The following ZCCHC14 variants were observed in gnomAD, a reference collection of about 807,000 sequenced individuals.
ZCCHC14 encodes the protein zinc finger CCHC domain-containing protein 14.
A neutral mutation model predicts 85.0 loss-of-function variants in ZCCHC14; 16 were observed. The observed-to-expected ratio is 0.19, with a 90% CI of 0.13 to 0.29. ZCCHC14 has a LOEUF of 0.29. Ranked by LOEUF, ZCCHC14 falls within the 10% of genes least tolerant of loss-of-function variation. The pLI is 1.00. For synonymous variants in ZCCHC14, 775 were observed against 630.7 expected (o/e 1.23, Z -3.43); for missense variants, 1,303 against 1,443.5 (o/e 0.90, Z 1.58).
At chr16:87,422,032 G>A (rs951984623) in intron 4 of ZCCHC14, among the ~76,000 whole-genome samples, 1 of 152,148 alleles carries the variant, frequency 6.6e-6, no homozygotes, top group African/African-American at 2.4e-5. Context: ...TAGTGACAGG[G>A]ACTTTAAACA....
chr16:87,412,841 T>C lies in ZCCHC14; in HGVS notation c.1880A>G (p.His627Arg). The change falls in exon 12 of 13, where the codon CAC (histidine) becomes CGC (arginine). Residue 627 changes from histidine (H) to arginine (R), a missense_variant. Physicochemically the swap from His to Arg is conservative, Grantham distance 29. Around this residue, in one of 7 missense-constraint regions of ZCCHC14, gnomAD observed 797 missense variants for 730.8 expected, o/e 1.09. Coordinates refer to ENST00000671377, the MANE Select transcript of ZCCHC14 (RefSeq NM_015144.3). ...CAGCATCTGCGGGGGCAGGGGGTGGTGGCCTGATGGATTGGAGCTGGCCTC... is the reference window on the plus strand; with the variant it reads ...CAGCATCTGCGGGGGCAGGGGGTGGCGGCCTGATGGATTGGAGCTGGCCTC... ...QNEASSNPSG[H>R]HPLPPQMLSA... The C allele has an allele frequency of 6.2e-7, 1 of 1,609,282 alleles. No homozygotes were observed.
Position 87,418,993 on chromosome 16 carries a change from G to T in ZCCHC14, c.1046-92C>A, listed in dbSNP as rs111774137. 3.0e-4 allele frequency: 368 copies of T among 1,239,192 alleles called. 4 individuals carry two copies. In the East Asian group the frequency reaches 0.01, roughly 34 times the overall value. 76.8% of individuals were successfully genotyped at this position (1,239,192 alleles called of 1,614,324 possible). A position where few individuals can be genotyped will look rare whatever the true frequency, so the allele number is the denominator to read the frequency against. On this transcript the variant is annotated intron_variant, in intron 6 of 12. Coordinates refer to ENST00000671377, the MANE Select transcript of ZCCHC14 (RefSeq NM_015144.3). ...TTTTTTGAGACGGTGTTTTGCTCTTGTTGCCCAGGCTGGAGAGCAATGGTG... is the reference window on the plus strand; with the variant it reads ...TTTTTTGAGACGGTGTTTTGCTCTTTTTGCCCAGGCTGGAGAGCAATGGTG...
chr16:87,416,538 A>G (rs117421889), intron 8 of ZCCHC14, among the ~76,000 whole-genome samples: 2,565 of 152,178 alleles, frequency 0.017, 26 homozygotes, highest in Middle Eastern at 0.044. Flanking sequence ...TGGGCAGATC[A>G]TGAGTCAGGA....
intron 1 of ZCCHC14, among the ~76,000 whole-genome samples, chr16:87,490,971 G>A (rs539875270): frequency 6.6e-6 from 1 of 152,358 alleles, no homozygotes; most frequent in African/African-American, 2.4e-5. Flanking sequence ...CGGCTCAGAC[G>A]GGGAAGCCCC....
At position 87,410,158 on chromosome 16, in the gene ZCCHC14, G is replaced by A. The variant is rs1456578442; in HGVS notation, c.*122C>T. 5.3e-6 allele frequency: 3 copies of A among 561,460 alleles called. No homozygotes were observed. Among genetic ancestry groups the A allele is most frequent in the African/African-American group, 1.9e-5 (1 of 51,688 alleles). The allele number at this position is 561,460 out of a possible 1,614,324, so 34.8% of individuals were successfully genotyped here. ...ACGCTAGATTTTCTATCCAGTCTAGGAAAAGTAAAGCACCTTTGGATTAAA... is the reference window on the plus strand; with the variant it reads ...ACGCTAGATTTTCTATCCAGTCTAGAAAAAGTAAAGCACCTTTGGATTAAA... On this transcript the variant is annotated 3_prime_UTR_variant, in exon 13 of 13. Coordinates refer to ENST00000671377, the MANE Select transcript of ZCCHC14 (RefSeq NM_015144.3).
chr16:87,463,751 A>C (rs1911386527), intron 1 of ZCCHC14, among the ~76,000 whole-genome samples: 1 of 152,068 alleles, frequency 6.6e-6, no homozygotes. Context: ...TCAACGCGGG[A>C]GGTGGAGGTT....
intron 12 of ZCCHC14, among the ~76,000 whole-genome samples, chr16:87,411,220 C>G (rs1345136665): frequency 1.3e-5 from 2 of 152,166 alleles, no homozygotes; most frequent in Non-Finnish European, 2.9e-5. Context: ...CTGAATCCCT[C>G]ACACGTGCCT....
At chr16:87,478,354 C>A (rs1193405254) in intron 1 of ZCCHC14, among the ~76,000 whole-genome samples, 2 of 152,166 alleles carry the variant, frequency 1.3e-5, no homozygotes, top group African/African-American at 4.8e-5. Context: ...ATAGGCGAAA[C>A]TGATCAGTGG....
At chr16:87,487,191 T>C (rs1452371278) in intron 1 of ZCCHC14, among the ~76,000 whole-genome samples, 2 of 152,144 alleles carry the variant, frequency 1.3e-5, no homozygotes, top group Non-Finnish European at 2.9e-5. Flanking sequence ...GCACTCACAA[T>C]GCAAGCCACA....
Position 87,491,426 on chromosome 16 carries a change from G to A in ZCCHC14, c.570+243C>T, listed in dbSNP as rs1437921964. Among the ~76,000 whole-genome samples the A allele has an allele frequency of 2.6e-5, 4 of 151,990 alleles. No homozygotes were observed. Among genetic ancestry groups the A allele is most frequent in the East Asian group, 3.9e-4 (2 of 5,174 alleles). ...CGGAGGCTTGGGATGTACGGCGGAG[G>A]CTTGGGATGTACGGTGGAGGCTTGG... On this transcript the variant is annotated intron_variant, in intron 1 of 12. Transcript: ENST00000671377. This position sits in a 1 kb window ranked among gnomAD's most constrained non-coding sequence, Gnocchi z 5.9.
intron 2 of ZCCHC14, among the ~76,000 whole-genome samples, chr16:87,457,971 A>G (rs1364506597): frequency 6.6e-6 from 1 of 152,194 alleles, no homozygotes; most frequent in African/African-American, 2.4e-5. Context: ...TCGTGGCCTC[A>G]GAGCCGACCC....
At chr16:87,432,907 G>A (rs961267419) in intron 3 of ZCCHC14, among the ~76,000 whole-genome samples, 4 of 152,106 alleles carry the variant, frequency 2.6e-5, no homozygotes, top group South Asian at 2.1e-4. Flanking sequence ...ACAACCCCAG[G>A]CCCTGCCCGA....
chr16:87,488,333 C>G (rs999061928), intron 1 of ZCCHC14, among the ~76,000 whole-genome samples: 7 of 152,298 alleles, frequency 4.6e-5, no homozygotes, highest in African/African-American at 1.2e-4. Context: ...CAGGCGACTG[C>G]AGGAGCAGCA....
chr16:87,492,233 C>T lies in ZCCHC14; in HGVS notation c.6G>A (p.Val2=). 2 of 983,572 alleles carry T rather than the reference C, an allele frequency of 2.0e-6. No individual in the cohort carries two copies. Among genetic ancestry groups the T allele is most frequent in the Non-Finnish European group, 2.4e-6 (2 of 829,414 alleles). 60.9% of individuals were successfully genotyped at this position (983,572 alleles called of 1,614,324 possible). ...CCCTCTGCAGCGGGCAGCGCTTCTCCACCATGCTGCCGCCCGCGCCGCGCC... is the reference window on the plus strand; with the variant it reads ...CCCTCTGCAGCGGGCAGCGCTTCTCTACCATGCTGCCGCCCGCGCCGCGCC... M[V]EKRCPLQRDG... is the part of the protein sequence containing the mutation. The change falls in exon 1 of 13, where the codon GTG becomes GTA. Residue 2 remains valine (V), a synonymous_variant. Transcript: ENST00000671377. This position sits in a 1 kb window ranked among gnomAD's most constrained non-coding sequence, Gnocchi z 6.7.
intron 1 of ZCCHC14, among the ~76,000 whole-genome samples, chr16:87,490,386 T>C (rs1912698532): frequency 6.6e-6 from 1 of 152,254 alleles, no homozygotes; most frequent in Admixed American, 6.5e-5. Flanking sequence ...CTGCAACCTA[T>C]TCCCTTCCAA....
intron 2 of ZCCHC14, among the ~76,000 whole-genome samples, chr16:87,446,418 A>T (rs1212720960): frequency 6.6e-6 from 1 of 151,280 alleles, no homozygotes; most frequent in African/African-American, 2.4e-5. Context: ...TGGAAGGCAG[A>T]GGTTACAGTG....
intron 4 of ZCCHC14, 50 bp downstream of exon 4, chr16:87,423,760 C>A: frequency 6.3e-7 from 1 of 1,599,068 alleles, no homozygotes; most frequent in Non-Finnish European, 8.6e-7. Flanking sequence ...TCATCAGCCA[C>A]TGGGGAATGT....
chr16:87,483,024 G>A (rs1214434658), intron 1 of ZCCHC14, among the ~76,000 whole-genome samples: 3 of 151,724 alleles, frequency 2.0e-5, no homozygotes, highest in African/African-American at 7.3e-5. Context: ...TACCAAAAAG[G>A]ACTGATAAAT....
At chr16:87,477,171 G>C (rs1328929323) in intron 1 of ZCCHC14, among the ~76,000 whole-genome samples, 1 of 142,184 alleles carries the variant, frequency 7.0e-6, no homozygotes, top group Non-Finnish European at 1.5e-5. Flanking sequence ...AATTGAAGTG[G>C]TGAAAACACC....
Sources: allele counts gnomAD v4.1 joint callset (sites outside exome capture counted in the v4.1 genomes callset), GRCh38; gene constraint gnomAD v4.1.1; regional missense constraint gnomAD v4.1.1; non-coding constraint Gnocchi (gnomAD v3.1); transcripts MANE v1.5; gene names NCBI Gene and HGNC (gene_info 2026-07-23, HGNC 2026-07-21).